Variants in WDR33 observed in about 807,000 individuals in gnomAD.
WDR33 encodes the protein pre-mRNA 3' end processing protein WDR33.
A neutral mutation model predicts 164.9 loss-of-function variants in WDR33; 47 were observed. The observed-to-expected ratio is 0.29, with a 90% CI of 0.23 to 0.36. WDR33 has a LOEUF of 0.36. WDR33 is among the 10% of genes least tolerant of loss of function. The pLI, the probability that WDR33 is intolerant of heterozygous loss-of-function variation, is 1.00. For synonymous variants in WDR33, 505 were observed against 589.0 expected (o/e 0.86, Z 2.06); for missense variants, 1,137 against 1,754.1 (o/e 0.65, Z 6.28).
In WDR33 at chr2:127,705,302, T is replaced by C. The variant is rs535970536; in HGVS notation, c.*1021A>G. 2.4e-5 allele frequency: 4 copies of C among 165,318 alleles called. No individual in the cohort carries two copies. The highest frequency in any genetic ancestry group is 3.4e-3 in the Middle Eastern group (1 of 296). The allele number at this position is 165,318 out of a possible 1,614,324, so 10.2% of individuals were successfully genotyped here. A position where few individuals can be genotyped will look rare whatever the true frequency, so the allele number is the denominator to read the frequency against. On this transcript the variant is annotated 3_prime_UTR_variant, in exon 22 of 22. Transcript: ENST00000322313. The surrounding 1 kb of genome is among the most constrained non-coding windows in gnomAD (Gnocchi z 4.5). ...CCAATCCAAACTGGGCTAAATGGTA[T>C]GTTTATTTTAAACAAGGAATTTGCC...
At position 127,709,467 on chromosome 2, in the gene WDR33, C is replaced by T. The variant is rs1453905895; in HGVS notation, c.3565+23G>A. On this transcript the variant is annotated intron_variant, in intron 20 of 21. Coordinates refer to ENST00000322313, the MANE Select transcript of WDR33 (RefSeq NM_018383.5). The surrounding 1 kb of genome is among the most constrained non-coding windows in gnomAD (Gnocchi z 5.0). ...TTGTGAACTGCAGTCTAGAGTTACC[C>T]AACAAGCGGTTCTTTTCCTTACCAG... The T allele has an allele frequency of 9.3e-6, 15 of 1,611,498 alleles. No individual in the cohort carries two copies. The highest frequency in any genetic ancestry group is 1.3e-5 in the Non-Finnish European group (15 of 1,177,882).
intron 7 of WDR33, among the ~76,000 whole-genome samples, chr2:127,750,715 TATGTATGC>T (rs1307950432): frequency 4.3e-5 from 2 of 46,816 alleles, no homozygotes; most frequent in Non-Finnish European, 7.3e-5. Context: ...TATATATATG[TATGTATGC>T]ATACATATAT....
At chr2:127,786,657 C>G (rs931301838) in intron 1 of WDR33, among the ~76,000 whole-genome samples, 8 of 152,088 alleles carry the variant, frequency 5.3e-5, no homozygotes, top group Non-Finnish European at 1.0e-4. Context: ...GCACTCCAGC[C>G]TGGGCAAAAC....
intron 1 of WDR33, among the ~76,000 whole-genome samples, chr2:127,778,088 G>A (rs1688244914): frequency 1.3e-5 from 2 of 152,302 alleles, no homozygotes; most frequent in South Asian, 4.1e-4. Flanking sequence ...GAGGCCAGGA[G>A]TTGGAGACAA....
chr2:127,752,596 CAAAAAAAAAAAAAAA>C (rs34369142), intron 7 of WDR33, among the ~76,000 whole-genome samples: 1 of 76,596 alleles, frequency 1.3e-5, no homozygotes. Context: ...GACTCCGTCT[CAAAAAAAAAAAAAAA>C]AAAAAAAAAG....
intron 1 of WDR33, among the ~76,000 whole-genome samples, chr2:127,802,257 T>C (rs1004783352): frequency 1.3e-5 from 2 of 151,790 alleles, no homozygotes; most frequent in Non-Finnish European, 2.9e-5. Context: ...ATATACAGCA[T>C]GCCAACTTTC....
rs1170694535 is a variant in WDR33 at position 127,786,860 on chromosome 2, T to C, written c.-23-15856A>G. ...CTTTCTGTTCTTTTTTTTTTTTTTT[T>C]TTTAATTTATTTTTTTATTGATAAT... On this transcript the variant is annotated intron_variant, in intron 1 of 21. Transcript: ENST00000322313. 4.8e-5 allele frequency among the ~76,000 whole-genome samples: 7 copies of C among 146,938 alleles called. No individual in the cohort carries two copies. In the East Asian group the frequency reaches 1.4e-3, roughly 29 times the overall value.
In WDR33 at chr2:127,701,905, T is replaced by TGCGGG. The variant is rs1453165270; in HGVS notation, c.*4413_*4417dup. 6.2e-6 allele frequency: 9 copies of TGCGGG among 1,452,352 alleles called. No homozygotes were observed. Among genetic ancestry groups the TGCGGG allele is most frequent in the Non-Finnish European group, 8.1e-6 (9 of 1,108,850 alleles). 90.0% of individuals were successfully genotyped at this position (1,452,352 alleles called of 1,614,324 possible). A position where few individuals can be genotyped will look rare whatever the true frequency, so the allele number is the denominator to read the frequency against. On this transcript the variant is annotated 3_prime_UTR_variant, in exon 22 of 22. Coordinates refer to ENST00000322313, the MANE Select transcript of WDR33 (RefSeq NM_018383.5). ...CTGGCGTTGGCGGGAAGCGCGCTGC[T>TGCGGG]GCGGGGCGGCGCGGCGTGCGGACGC...
chr2:127,733,810 A>C (rs1686769296), intron 7 of WDR33, among the ~76,000 whole-genome samples: 1 of 152,212 alleles, frequency 6.6e-6, no homozygotes, highest in South Asian at 2.1e-4. Flanking sequence ...TCTCAGTTGT[A>C]CAATGAACAG....
intron 1 of WDR33, among the ~76,000 whole-genome samples, chr2:127,808,017 G>T (rs932423785): frequency 6.6e-6 from 1 of 152,130 alleles, no homozygotes; most frequent in Non-Finnish European, 1.5e-5. Flanking sequence ...AGTGGAGAAG[G>T]TATAGTCAAA....
At chr2:127,788,490 C>T (rs1688698490) in intron 1 of WDR33, among the ~76,000 whole-genome samples, 1 of 133,030 alleles carries the variant, frequency 7.5e-6, no homozygotes, top group Non-Finnish European at 1.6e-5. Flanking sequence ...CCCCACCTCC[C>T]TCCCGGACGG....
At position 127,705,592 on chromosome 2, in the gene WDR33, G is replaced by A. The variant is rs1685991370; in HGVS notation, c.*731C>T. 1 of 152,196 alleles carries A rather than the reference G, an allele frequency of 6.6e-6. No individual in the cohort carries two copies. Among genetic ancestry groups the A allele is most frequent in the African/African-American group, 2.4e-5 (1 of 41,454 alleles). 9.4% of individuals were successfully genotyped at this position (152,196 alleles called of 1,614,324 possible). ...CAAACCTAAACTGTGATTCTTAGGA[G>A]ATGCTTCCAAGGGGAAGCTCCCTCG... On this transcript the variant is annotated 3_prime_UTR_variant, in exon 22 of 22. Coordinates refer to ENST00000322313, the MANE Select transcript of WDR33 (RefSeq NM_018383.5). This position sits in a 1 kb window ranked among gnomAD's most constrained non-coding sequence, Gnocchi z 4.5.
chr2:127,769,512 G>A (rs369891447), intron 2 of WDR33, among the ~76,000 whole-genome samples: 1 of 151,898 alleles, frequency 6.6e-6, no homozygotes, highest in East Asian at 1.9e-4. Flanking sequence ...AGATACTGTC[G>A]ACTCCAACAC....
At chr2:127,791,198 A>G (rs958466406) in intron 1 of WDR33, among the ~76,000 whole-genome samples, 1 of 57,392 alleles carries the variant, frequency 1.7e-5, no homozygotes, top group Non-Finnish European at 3.2e-5. Context: ...TCACTCTGTC[A>G]CCCAGGCTGC....
chr2:127,710,259 C>G lies in WDR33; in HGVS notation c.3309-403G>C, dbSNP rs1051002209. ...GTAAGTGCTGGTGATCTGAACTCAG[C>G]CAGTCTTGACCCTCGGCCCAGGTTC... is the stretch of plus-strand genomic sequence containing the variant. On this transcript the variant is annotated intron_variant, in intron 18 of 21. Coordinates refer to ENST00000322313, the MANE Select transcript of WDR33 (RefSeq NM_018383.5). The surrounding 1 kb of genome is among the most constrained non-coding windows in gnomAD (Gnocchi z 4.4). 5.3e-5 allele frequency among the ~76,000 whole-genome samples: 8 copies of G among 152,226 alleles called. No homozygotes were observed. Among genetic ancestry groups the G allele is most frequent in the Admixed American group, 3.3e-4 (5 of 15,290 alleles).
At chr2:127,801,527 A>C (rs1032167672) in intron 1 of WDR33, among the ~76,000 whole-genome samples, 6 of 152,078 alleles carry the variant, frequency 3.9e-5, no homozygotes, top group East Asian at 1.9e-4. Flanking sequence ...CACAACAAAA[A>C]AAAAAAAAAC....
chr2:127,747,113 G>C (rs1226896849), intron 7 of WDR33, among the ~76,000 whole-genome samples: 1 of 152,178 alleles, frequency 6.6e-6, no homozygotes, highest in Non-Finnish European at 1.5e-5. Flanking sequence ...CTTTAACCAA[G>C]AGAATACACC....
chr2:127,775,381 G>A (rs1688153994), intron 1 of WDR33, among the ~76,000 whole-genome samples: 1 of 152,122 alleles, frequency 6.6e-6, no homozygotes, highest in Admixed American at 6.5e-5. Flanking sequence ...TAGAGCCGGG[G>A]TTTTGCCATG....
At chr2:127,796,705 T>TAC (rs1320466690) in intron 1 of WDR33, among the ~76,000 whole-genome samples, 1 of 152,064 alleles carries the variant, frequency 6.6e-6, no homozygotes. Context: ...ACATTTTATG[T>TAC]ACACTATCTT....
Sources: allele counts gnomAD v4.1 joint callset (sites outside exome capture counted in the v4.1 genomes callset), GRCh38; gene constraint gnomAD v4.1.1; non-coding constraint Gnocchi (gnomAD v3.1); transcripts MANE v1.5; gene names NCBI Gene and HGNC (gene_info 2026-07-23, HGNC 2026-07-21).